Variants in GP9 observed in about 807,000 individuals in gnomAD.
GP9 encodes the protein platelet glycoprotein IX.
For synonymous variants in GP9, 116 were observed against 116.7 expected, an observed-to-expected ratio of 0.99 and a Z score of 0.04; for missense variants, 228 against 241.8, an observed-to-expected ratio of 0.94 and a Z score of 0.38.
the GP9 span, among the ~76,000 whole-genome samples, chr3:129,055,492 T>C: frequency 6.6e-6 from 1 of 152,176 alleles, no homozygotes; most frequent in South Asian, 2.1e-4. Flanking sequence ...GAGAGGCAGG[T>C]CGAAGTCCCA....
At chr3:129,060,057 A>C (rs1946558527), upstream of GP9, among the ~76,000 whole-genome samples, 1 of 152,206 alleles carries the variant, frequency 6.6e-6, no homozygotes, top group African/African-American at 2.4e-5. Context: ...GGGTTCAAGC[A>C]ATTCTCCATC....
At chr3:129,057,827 C>CTTTT (rs199729798), upstream of GP9, among the ~76,000 whole-genome samples, 4 of 136,314 alleles carry the variant, frequency 2.9e-5, 1 homozygote, top group African/African-American at 3.0e-5. Context: ...TTATAGGTTG[C>CTTTT]TTCTTTTTTT....
upstream of GP9, among the ~76,000 whole-genome samples, chr3:129,059,640 G>C (rs544164523): frequency 4.6e-5 from 7 of 152,198 alleles, no homozygotes; most frequent in East Asian, 1.2e-3. Flanking sequence ...AGCAGAGCTG[G>C]GGCCTGGCAG....
Position 129,061,520 on chromosome 3 carries a change from G to T in GP9, c.-112G>T, listed in dbSNP as rs969817404. ...CGCCCTCACCGCCCGGCCTTCTACG[G>T]TGTCCAGAGACAGTTAGCCAGGCCT... On this transcript the variant is annotated 5_prime_UTR_variant, in exon 2 of 3. Transcript: ENST00000307395. 1 of 608,638 alleles carries T rather than the reference G, an allele frequency of 1.6e-6. No individual in the cohort carries two copies. Among genetic ancestry groups the T allele is most frequent in the Non-Finnish European group, 2.9e-6 (1 of 340,820 alleles). 37.7% of individuals were successfully genotyped at this position (608,638 alleles called of 1,614,324 possible).
chr3:129,055,225 G>T, the GP9 span, among the ~76,000 whole-genome samples: 1 of 151,926 alleles, frequency 6.6e-6, no homozygotes, highest in Admixed American at 6.6e-5. Context: ...GCCATAAAGG[G>T]GTCCATTCAG....
chr3:129,055,402 T>C, the GP9 span, among the ~76,000 whole-genome samples: 1 of 152,198 alleles, frequency 6.6e-6, no homozygotes, highest in South Asian at 2.1e-4. Flanking sequence ...AACATCACAA[T>C]AAGTTCATAG....
Position 129,061,771 on chromosome 3 carries a change from G to T in GP9, c.32G>T (p.Trp11Leu). 6.2e-7 allele frequency: 1 copy of T among 1,613,024 alleles called. No homozygotes were observed. The highest frequency in any genetic ancestry group is 8.5e-7 in the Non-Finnish European group (1 of 1,179,726). The change falls in exon 3 of 3, where the codon TGG becomes TTG. Residue 11 changes from tryptophan (W) to leucine (L), a missense_variant. Coordinates refer to ENST00000307395, the MANE Select transcript of GP9 (RefSeq NM_000174.5). MPAWGALFLL[W>L]ATAEATKDCP... ...GCCTGGGGAGCCCTGTTCCTGCTCT[G>T]GGCCACAGCAGAGGCCACCAAGGAC...
chr3:129,059,373 C>A (rs747677734), upstream of GP9, among the ~76,000 whole-genome samples: 12 of 152,202 alleles, frequency 7.9e-5, no homozygotes, highest in Non-Finnish European at 1.5e-4. Context: ...TCCAGAACCC[C>A]TTACCCACCT....
chr3:129,058,761 T>C (rs1348100251), upstream of GP9, among the ~76,000 whole-genome samples: 1 of 152,276 alleles, frequency 6.6e-6, no homozygotes, highest in Non-Finnish European at 1.5e-5. Flanking sequence ...GCACACTGCC[T>C]GTGGGGTAGC....
the GP9 span, among the ~76,000 whole-genome samples, chr3:129,055,648 C>T: frequency 0.15 from 21,564 of 140,666 alleles, 3,083 homozygotes; most frequent in East Asian, 0.48. Flanking sequence ...TTCTTTCTTT[C>T]TTTTTTTTTT....
upstream of GP9, among the ~76,000 whole-genome samples, chr3:129,059,055 T>C (rs1455035491): frequency 6.6e-6 from 1 of 152,200 alleles, no homozygotes; most frequent in Non-Finnish European, 1.5e-5. Context: ...GGCAGATGGG[T>C]ATGTATTTAC....
At chr3:129,055,514 T>G in the GP9 span, among the ~76,000 whole-genome samples, 1,332 of 152,308 alleles carry the variant, frequency 8.7e-3, 17 homozygotes, top group African/African-American at 0.03. Flanking sequence ...GGTTAGGGCT[T>G]TCAGCTGGGG....
intron 1 of GP9, 124 bp from the exon 2 acceptor site, chr3:129,061,370 G>T: frequency 2.7e-6 from 1 of 375,330 alleles, no homozygotes; most frequent in Non-Finnish European, 5.1e-6. Flanking sequence ...TGGGGACTGT[G>T]GTCCTGGGCT....
rs951488321 is a variant in GP9 at position 129,061,558 on chromosome 3, C to T, written c.-74C>T. On this transcript the variant is annotated 5_prime_UTR_variant, in exon 2 of 3. Coordinates refer to ENST00000307395, the MANE Select transcript of GP9 (RefSeq NM_000174.5). ...GTTAGCCAGGCCTGGGCTGGGCACA[C>T]TCCACCTTCCCTAGTCACCAGCTGG... 1.2e-5 allele frequency: 8 copies of T among 655,052 alleles called. No individual in the cohort carries two copies. Among genetic ancestry groups the T allele is most frequent in the South Asian group, 3.5e-5 (2 of 57,100 alleles). 40.6% of individuals were successfully genotyped at this position (655,052 alleles called of 1,614,324 possible). A position where few individuals can be genotyped will look rare whatever the true frequency, so the allele number is the denominator to read the frequency against.
At chr3:129,060,393 T>C (rs1337964907), upstream of GP9, among the ~76,000 whole-genome samples, 1 of 152,226 alleles carries the variant, frequency 6.6e-6, no homozygotes, top group Admixed American at 6.5e-5. Context: ...TCTCAGCCAG[T>C]GGGAGCTGCC....
At chr3:129,060,405 A>C (rs1342469555), upstream of GP9, among the ~76,000 whole-genome samples, 1 of 152,244 alleles carries the variant, frequency 6.6e-6, no homozygotes, top group African/African-American at 2.4e-5. Context: ...GGAGCTGCCC[A>C]GCCCACACCT....
chr3:129,057,572 G>A (rs762595802), upstream of GP9, among the ~76,000 whole-genome samples: 58 of 152,248 alleles, frequency 3.8e-4, no homozygotes, highest in African/African-American at 1.3e-3. Flanking sequence ...ACAGGGGCAC[G>A]GGTTTTCTTT....
chr3:129,061,739 C>T lies in GP9; in HGVS notation c.-1C>T, dbSNP rs751649007. 3.1e-6 allele frequency: 5 copies of T among 1,611,470 alleles called. No individual in the cohort carries two copies. The South Asian group carries it at 4.4e-5, about 14-fold the overall frequency. ...CCCTCTCTCTGCAGCCAGCCTGTCC[C>T]ATGCCTGCCTGGGGAGCCCTGTTCC... On this transcript the variant is annotated 5_prime_UTR_variant, in exon 3 of 3. Coordinates refer to ENST00000307395, the MANE Select transcript of GP9 (RefSeq NM_000174.5).
chr3:129,056,417 T>C (rs1233432064), upstream of GP9, among the ~76,000 whole-genome samples: 2 of 152,204 alleles, frequency 1.3e-5, no homozygotes, highest in African/African-American at 2.4e-5. Flanking sequence ...TTGGGGGATA[T>C]TGAAAGATCC....
Sources: allele counts gnomAD v4.1 joint callset (sites outside exome capture counted in the v4.1 genomes callset), GRCh38; gene constraint gnomAD v4.1.1; transcripts MANE v1.5; gene names NCBI Gene and HGNC (gene_info 2026-07-23, HGNC 2026-07-21).